TCF7L1: variants seen among roughly 807,000 people sequenced by gnomAD.
TCF7L1 encodes the protein transcription factor 7 like 1.
In TCF7L1, 18 loss-of-function variants were observed where a neutral mutation model predicts 63.7. The ratio of observed to expected loss-of-function variants is 0.28; its 90% CI spans 0.20 to 0.42. TCF7L1 has a LOEUF of 0.42. TCF7L1 is among the 10% of genes least tolerant of loss of function. The probability of loss-of-function intolerance (pLI) is 1.00; values close to 1 mark genes in which losing one functional copy is unlikely to be tolerated. For missense variants in TCF7L1, 654 were observed against 779.3 expected (o/e 0.84, Z 1.91); for synonymous variants, 355 against 340.9 (o/e 1.04, Z -0.46).
chr2:85,279,418 A>T (rs1437011095), intron 3 of TCF7L1, among the ~76,000 whole-genome samples: 1 of 152,194 alleles, frequency 6.6e-6, no homozygotes, highest in African/African-American at 2.4e-5. Context: ...AAAAATAAAT[A>T]AATAAACAGA....
chr2:85,309,195 C>A lies in TCF7L1; in HGVS notation c.1500C>A (p.Ala500=), dbSNP rs1319811529. The change falls in exon 12 of 12, where the codon GCC becomes GCA. Residue 500 remains alanine (A), a synonymous_variant. Transcript: ENST00000282111. ...AAPAATHSEQ[A]QPLSLTTKPE... ...CTGCTGCCACCCATTCGGAGCAAGC[C>A]CAGCCCCTCTCCCTCACCACCAAAC... is the stretch of plus-strand genomic sequence containing the variant. 2 of 1,613,958 alleles carry A rather than the reference C, an allele frequency of 1.2e-6. No individual in the cohort carries two copies. Among genetic ancestry groups the A allele is most frequent in the African/African-American group, 2.7e-5 (2 of 74,870 alleles).
chr2:85,216,801 G>T (rs6709476), intron 3 of TCF7L1, among the ~76,000 whole-genome samples: 1 of 151,986 alleles, frequency 6.6e-6, no homozygotes, highest in Admixed American at 6.5e-5. Context: ...AATACCTGCA[G>T]TGAGCGCCAA....
At chr2:85,181,563 C>G (rs796613127) in intron 3 of TCF7L1, among the ~76,000 whole-genome samples, 16 of 152,298 alleles carry the variant, frequency 1.1e-4, no homozygotes, top group African/African-American at 3.6e-4. Context: ...AGGCAGCTCC[C>G]AGAGCCCAGG....
At chr2:85,302,652 G>A (rs775771502) in intron 5 of TCF7L1, 36 bp downstream of exon 5, 1 of 1,599,610 alleles carries the variant, frequency 6.3e-7, no homozygotes, top group Admixed American at 1.7e-5. Context: ...GCTGCTGCAG[G>A]GCAGGCGGGC....
At chr2:85,256,181 C>T (rs537198774) in intron 3 of TCF7L1, among the ~76,000 whole-genome samples, 58 of 152,314 alleles carry the variant, frequency 3.8e-4, no homozygotes, top group African/African-American at 1.3e-3. Flanking sequence ...TTTCTGGCTT[C>T]GATGTGCTTT....
In TCF7L1 at chr2:85,309,557, C is replaced by T. The variant is rs1682226071; in HGVS notation, c.*95C>T. The T allele has an allele frequency of 2.3e-6, 3 of 1,312,440 alleles. No individual in the cohort carries two copies. Among genetic ancestry groups the T allele is most frequent in the Non-Finnish European group, 3.1e-6 (3 of 976,804 alleles). 81.3% of individuals were successfully genotyped at this position (1,312,440 alleles called of 1,614,324 possible). On this transcript the variant is annotated 3_prime_UTR_variant, in exon 12 of 12. Transcript: ENST00000282111. ...GGAGACTTTATTGGTCAATATTTGA[C>T]CACTCTGGACTGTTCTGTAAAGTGG...
At chr2:85,144,631 A>G (rs1481053665) in intron 3 of TCF7L1, among the ~76,000 whole-genome samples, 1 of 152,006 alleles carries the variant, frequency 6.6e-6, no homozygotes, top group Admixed American at 6.6e-5. Context: ...AACAATAAAG[A>G]AATACATACT....
At chr2:85,198,998 G>C (rs1679217684) in intron 3 of TCF7L1, among the ~76,000 whole-genome samples, 2 of 152,206 alleles carry the variant, frequency 1.3e-5, no homozygotes, top group Non-Finnish European at 2.9e-5. Context: ...TTTTGTGGGG[G>C]TAGGAGGAGG....
chr2:85,225,231 C>T (rs1247095695), intron 3 of TCF7L1, among the ~76,000 whole-genome samples: 1 of 152,136 alleles, frequency 6.6e-6, no homozygotes, highest in African/African-American at 2.4e-5. Context: ...CAGCTTTGTT[C>T]TTTTTGCTTA....
At position 85,175,276 on chromosome 2, in the gene TCF7L1, C is replaced by T. The variant is rs140845581; in HGVS notation, c.441+40826C>T. Among the ~76,000 whole-genome samples, 408 of 152,320 alleles carry T rather than the reference C, an allele frequency of 2.7e-3. 1 individual carries two copies. Among genetic ancestry groups the T allele is most frequent in the Non-Finnish European group, 4.8e-3 (327 of 68,036 alleles). Reference sequence around the variant, plus strand: ...CCTGCTTTACCACCCCCTGCCCCCACAATTGTTATTTCCTGAAAGCATATG... The same window carrying T: ...CCTGCTTTACCACCCCCTGCCCCCATAATTGTTATTTCCTGAAAGCATATG... On this transcript the variant is annotated intron_variant, in intron 3 of 11. Coordinates refer to ENST00000282111, the MANE Select transcript of TCF7L1 (RefSeq NM_031283.3).
At chr2:85,237,985 G>A (rs1680232397) in intron 3 of TCF7L1, among the ~76,000 whole-genome samples, 1 of 152,126 alleles carries the variant, frequency 6.6e-6, no homozygotes, top group African/African-American at 2.4e-5. Flanking sequence ...CCCAACAGGT[G>A]GTGGCATTCC....
chr2:85,305,471 A>G, intron 8 of TCF7L1, 68 bp downstream of exon 8: 1 of 1,529,874 alleles, frequency 6.5e-7, no homozygotes, highest in Non-Finnish European at 8.8e-7. Context: ...CCACACTCTG[A>G]GCAGCAAATG....
chr2:85,215,448 T>C (rs1305258119), intron 3 of TCF7L1, among the ~76,000 whole-genome samples: 1 of 151,960 alleles, frequency 6.6e-6, no homozygotes, highest in East Asian at 1.9e-4. Flanking sequence ...TTTCCTACAG[T>C]TGGGTGGGCT....
intron 3 of TCF7L1, among the ~76,000 whole-genome samples, chr2:85,256,250 C>T (rs1189045666): frequency 6.6e-6 from 1 of 152,204 alleles, no homozygotes; most frequent in African/African-American, 2.4e-5. Flanking sequence ...GTCCGCGCGC[C>T]GAAGGCTGCT....
chr2:85,175,272 C>T (rs910066925), intron 3 of TCF7L1, among the ~76,000 whole-genome samples: 1 of 152,174 alleles, frequency 6.6e-6, no homozygotes, highest in Non-Finnish European at 1.5e-5. Flanking sequence ...ACCCCCTGCC[C>T]CCACAATTGT....
intron 3 of TCF7L1, among the ~76,000 whole-genome samples, chr2:85,144,225 A>G (rs1384130969): frequency 6.6e-6 from 1 of 152,174 alleles, no homozygotes; most frequent in Admixed American, 6.5e-5. Context: ...AGCTCTCCAC[A>G]AATGAAAAAT....
chr2:85,217,659 C>G (rs528532814), intron 3 of TCF7L1, among the ~76,000 whole-genome samples: 1 of 152,284 alleles, frequency 6.6e-6, no homozygotes, highest in South Asian at 2.1e-4. Context: ...GCCCATGATT[C>G]CCTTCTGTAC....
chr2:85,204,636 C>G (rs1344510545), intron 3 of TCF7L1, among the ~76,000 whole-genome samples: 2 of 152,124 alleles, frequency 1.3e-5, no homozygotes, highest in Non-Finnish European at 2.9e-5. Context: ...CCACTTCAGC[C>G]TACCAAGTAG....
chr2:85,205,405 A>G (rs1162639021), intron 3 of TCF7L1, among the ~76,000 whole-genome samples: 1 of 152,158 alleles, frequency 6.6e-6, no homozygotes, highest in Admixed American at 6.5e-5. Flanking sequence ...CTGTATGGCC[A>G]ATTGTCAACT....
Sources: gnomAD v4.1 joint callset for allele counts (sites outside exome capture counted in the v4.1 genomes callset) on GRCh38, gnomAD v4.1.1 for gene constraint, MANE v1.5 for transcripts, NCBI Gene and HGNC (gene_info 2026-07-23, HGNC 2026-07-21) for gene names.